The following HOOK2 variants were observed in gnomAD, a reference collection of about 807,000 sequenced individuals.
The protein encoded by HOOK2 is hook microtubule tethering protein 2.
HOOK2 carries 108 observed loss-of-function variants against 111.9 expected under a neutral mutation model. The observed-to-expected ratio is 0.96, with a 90% CI of 0.83 to 1.13. The LOEUF (loss-of-function observed/expected upper bound fraction) is 1.13. Among genes scored for constraint, HOOK2 ranks in the 50% most tolerant of loss-of-function variants. The pLI is 0.00. For missense variants in HOOK2, 978 were observed against 951.3 expected (o/e 1.03, Z -0.37); for synonymous variants, 405 against 394.3 (o/e 1.03, Z -0.32).
intron 3 of HOOK2, among the ~76,000 whole-genome samples, chr19:12,785,303 C>T (rs1968645179): frequency 6.6e-6 from 1 of 151,872 alleles, no homozygotes; most frequent in Non-Finnish European, 1.5e-5. Flanking sequence ...TTTTCACACA[C>T]ACACACACAC....
chr19:12,774,357 T>C (rs1568372988), intron 3 of HOOK2: 4 of 427,424 alleles, frequency 9.4e-6, no homozygotes, highest in Non-Finnish European at 8.8e-6. Context: ...CCACCCACTT[T>C]AGCCTCTCAA....
chr19:12,764,204 G>C (rs1368271538), intron 20 of HOOK2: 1 of 170,048 alleles, frequency 5.9e-6, no homozygotes, highest in Admixed American at 5.6e-5. Flanking sequence ...TCGTAGAGAC[G>C]GGGTTTCGCC....
chr19:12,782,818 G>C (rs1274171951), upstream of HOOK2, among the ~76,000 whole-genome samples: 7 of 152,176 alleles, frequency 4.6e-5, no homozygotes, highest in Non-Finnish European at 1.0e-4. Flanking sequence ...GAGCGCCCGG[G>C]GGCTTCCCCA....
At position 12,763,564 on chromosome 19, in the gene HOOK2, C is replaced by T; in HGVS notation, c.1974G>A (p.Gln658=). ...AGGCACTGATGAGCAGCTTTTCTTC[C>T]TGCTCCCGCTGACTTCGGCTTTTCT... ...DFEKSRSQRE[Q]EEKLLISAWY... is the part of the protein sequence containing the mutation. The change falls in exon 22 of 23, where the codon CAG becomes CAA. Residue 658 remains glutamine, a synonymous_variant. Transcript: ENST00000397668. 1 of 1,614,274 alleles carries T rather than the reference C, an allele frequency of 6.2e-7. No individual in the cohort carries two copies. The highest frequency in any genetic ancestry group is 1.1e-5 in the South Asian group (1 of 91,090).
chr19:12,781,118 C>T (rs1176418961), upstream of HOOK2, among the ~76,000 whole-genome samples: 15 of 147,656 alleles, frequency 1.0e-4, no homozygotes, highest in Non-Finnish European at 2.1e-4. Flanking sequence ...CTGGCTAACA[C>T]GGTGAAACCC....
chr19:12,790,571 C>T lies in HOOK2; in HGVS notation n.42-16346G>A, dbSNP rs1014928939. 6.6e-6 allele frequency among the ~76,000 whole-genome samples: 1 copy of T among 152,122 alleles called. No homozygotes were observed. The highest frequency in any genetic ancestry group is 2.1e-4 in the South Asian group (1 of 4,832). The stretch of plus-strand genomic sequence containing the variant: ...ATCCAGCAGTCCTGGTGCGCGGGAC[C>T]CTCAAGGCCCCCTCCTCACATGTCA... On this transcript the variant is annotated intron_variant and non_coding_transcript_variant, in intron 3 of 3. Coordinates refer to the HOOK2 transcript ENST00000589765. This position sits in a 1 kb window ranked among gnomAD's most constrained non-coding sequence, Gnocchi z 7.2.
Position 12,766,141 on chromosome 19 carries a change from A to C in HOOK2, c.1473T>G (p.Asp491Glu), listed in dbSNP as rs767968958. Reference protein sequence around the residue: ...RQEELQRHLEDANRARHGLET... With the variant: ...RQEELQRHLEEANRARHGLET... ...CCAACCCGTGGCGCGCGCGGTTGGC[A>C]TCCTCCAGGTGGCGCTGCAGCTCCT... is the stretch of plus-strand genomic sequence containing the variant. Residue 491 changes from aspartate to glutamate, a missense_variant, in exon 15 of 23, where the codon GAT (aspartate) becomes GAG (glutamate). Asp to Glu is a conservative substitution (Grantham distance 45). Coordinates refer to ENST00000397668, the MANE Select transcript of HOOK2 (RefSeq NM_013312.3). 2.2e-5 allele frequency: 35 copies of C among 1,601,444 alleles called. 1 individual carries two copies. In the South Asian group the frequency reaches 3.7e-4, roughly 17 times the overall value.
At position 12,764,799 on chromosome 19, in the gene HOOK2, A is replaced by G; in HGVS notation, c.1827+15T>C. 1 of 1,604,798 alleles carries G rather than the reference A, an allele frequency of 6.2e-7. No individual in the cohort carries two copies. Among genetic ancestry groups the G allele is most frequent in the Non-Finnish European group, 8.5e-7 (1 of 1,173,526 alleles). On this transcript the variant is annotated intron_variant, in intron 20 of 22. Transcript: ENST00000397668. ...GCCAGGGCAGGCAACTTGTGGGAAC[A>G]CCCAGCGTCCTCACCATGCGGGCCT...
upstream of HOOK2, among the ~76,000 whole-genome samples, chr19:12,781,345 GAGAC>G (rs373185641): frequency 5.4e-4 from 81 of 150,602 alleles, no homozygotes; most frequent in East Asian, 0.012. Flanking sequence ...AAAAGAAAAA[GAGAC>G]AGAGTCTCGC....
upstream of HOOK2, among the ~76,000 whole-genome samples, chr19:12,776,611 G>A (rs1303032561): frequency 5.3e-5 from 8 of 150,786 alleles, no homozygotes; most frequent in African/African-American, 2.0e-4. Context: ...CCCTGGAGGC[G>A]GAGGTTGCAG....
In HOOK2 at chr19:12,765,744, AG is replaced by A. The variant is rs1427548406; in HGVS notation, c.1606-21del. 4 of 1,614,020 alleles carry A rather than the reference AG, an allele frequency of 2.5e-6. No individual in the cohort carries two copies. Among genetic ancestry groups the A allele is most frequent in the Non-Finnish European group, 3.4e-6 (4 of 1,180,018 alleles). On this transcript the variant is annotated intron_variant, in intron 17 of 22. Coordinates refer to ENST00000397668, the MANE Select transcript of HOOK2 (RefSeq NM_013312.3). ...AATGGACTGGGAGAGAGAAGAGGCA[AG>A]GTGAGTGGGGGATCCAGAGAGGCCC... is the stretch of plus-strand genomic sequence containing the variant.
Position 12,773,035 on chromosome 19 carries a change from G to C in HOOK2, c.214C>G (p.Leu72Val). The change falls in exon 4 of 23, where the codon CTG becomes GTG. Residue 72 changes from leucine (L) to valine (V), a missense_variant. This residue lies in a region of HOOK2 where 301 missense variants were observed against 286.1 expected (regional missense o/e 1.05). Transcript: ENST00000397668. ...ACTAGGCTCCGTAAGACCATCTTCA[G>C]ATTGCTGACCTAGGGAGGAACAAGG... is the stretch of plus-strand genomic sequence containing the variant. ...GPNWKLKVSNLKMVLRSLVEY... is the reference protein window; with the variant it reads ...GPNWKLKVSNVKMVLRSLVEY... The C allele has an allele frequency of 1.2e-6, 2 of 1,614,052 alleles. No homozygotes were observed. The highest frequency in any genetic ancestry group is 1.1e-5 in the South Asian group (1 of 91,090).
In HOOK2 at chr19:12,763,756, T is replaced by A; in HGVS notation, c.1850A>T (p.Lys617Met). 1 of 1,614,140 alleles carries A rather than the reference T, an allele frequency of 6.2e-7. No individual in the cohort carries two copies. The highest frequency in any genetic ancestry group is 8.5e-7 in the Non-Finnish European group (1 of 1,179,982). ...ARMVMQTMEP[K>M]QRPAAGAPPE... ...AGGTGCCCCCGCAGCTGGCCGCTGC[T>A]TGGGTTCCATGGTCTGCATGACCTA... The change falls in exon 21 of 23, where the codon AAG (lysine) becomes ATG (methionine). Residue 617 changes from lysine to methionine, a missense_variant. By Grantham distance (95) the Lys-to-Met change is moderately conservative (BLOSUM62 -1). Coordinates refer to ENST00000397668, the MANE Select transcript of HOOK2 (RefSeq NM_013312.3).
rs747337996 is a variant in HOOK2, at chr19:12,765,914, G to A, written c.1599+13C>T. The A allele has an allele frequency of 1.9e-6, 3 of 1,613,438 alleles. No homozygotes were observed. Among genetic ancestry groups the A allele is most frequent in the East Asian group, 2.2e-5 (1 of 44,870 alleles). Reference sequence around the variant, plus strand: ...AGGGAGGGCCAGGCTGGGAGGTGGTGGGTGACACTCACATCTTCAGTCTTG... The same window carrying A: ...AGGGAGGGCCAGGCTGGGAGGTGGTAGGTGACACTCACATCTTCAGTCTTG... On this transcript the variant is annotated intron_variant, in intron 16 of 22. Coordinates refer to ENST00000397668, the MANE Select transcript of HOOK2 (RefSeq NM_013312.3).
rs1041680387 is a variant in HOOK2, at chr19:12,766,077, G to A, written c.1511+26C>T. 1.2e-5 allele frequency: 20 copies of A among 1,603,296 alleles called. No homozygotes were observed. In the African/African-American group the frequency reaches 1.9e-4, roughly 15 times the overall value. On this transcript the variant is annotated intron_variant, in intron 15 of 22. Transcript: ENST00000397668. ...TTTTGGCCCCCTCTGTCCCTGCTCCGCGCAGGTAGGTCCCCAGGCGCTCAC... is the reference window on the plus strand; with the variant it reads ...TTTTGGCCCCCTCTGTCCCTGCTCCACGCAGGTAGGTCCCCAGGCGCTCAC...
In HOOK2 at chr19:12,764,800, C is replaced by G; in HGVS notation, c.1827+14G>C. The G allele has an allele frequency of 6.2e-7, 1 of 1,609,000 alleles. No individual in the cohort carries two copies. The highest frequency in any genetic ancestry group is 8.5e-7 in the Non-Finnish European group (1 of 1,176,914). The stretch of plus-strand genomic sequence containing the variant: ...CCAGGGCAGGCAACTTGTGGGAACA[C>G]CCAGCGTCCTCACCATGCGGGCCTT... On this transcript the variant is annotated intron_variant, in intron 20 of 22. Transcript: ENST00000397668.
At chr19:12,775,685 G>A, upstream of HOOK2, 2 of 387,126 alleles carry the variant, frequency 5.2e-6, no homozygotes, top group Admixed American at 5.0e-5. Context: ...TCCGGGCACC[G>A]TTCGGGCGCC....
intron 3 of HOOK2, among the ~76,000 whole-genome samples, chr19:12,789,331 C>T (rs1316460145): frequency 6.6e-6 from 1 of 152,056 alleles, no homozygotes; most frequent in Non-Finnish European, 1.5e-5. Context: ...CACCTCGCCG[C>T]AGCCCTTCCC....
At chr19:12,782,045 G>A (rs1372298308), upstream of HOOK2, among the ~76,000 whole-genome samples, 1 of 152,082 alleles carries the variant, frequency 6.6e-6, no homozygotes, top group Non-Finnish European at 1.5e-5. Context: ...TGTAGAGACA[G>A]GGGTCTTGCT....
Sources: allele counts gnomAD v4.1 joint callset (sites outside exome capture counted in the v4.1 genomes callset), GRCh38; gene constraint gnomAD v4.1.1; regional missense constraint gnomAD v4.1.1; non-coding constraint Gnocchi (gnomAD v3.1); transcripts MANE v1.5; gene names NCBI Gene and HGNC (gene_info 2026-07-23, HGNC 2026-07-21).